CCDC73: variants seen among roughly 807,000 people sequenced by gnomAD.
CCDC73 encodes the protein coiled-coil domain-containing protein 73.
A neutral mutation model predicts 116.5 loss-of-function variants in CCDC73; 95 were observed. The ratio of observed to expected loss-of-function variants is 0.82; its 90% CI spans 0.69 to 0.97. CCDC73 has a LOEUF of 0.97. CCDC73 is among the 50% of genes least tolerant of loss of function. The pLI is 0.00. For missense variants in CCDC73, 1,066 were observed against 1,206.8 expected, an observed-to-expected ratio of 0.88 and a Z score of 1.73; for synonymous variants, 398 against 401.3, an observed-to-expected ratio of 0.99 and a Z score of 0.10.
intron 16 of CCDC73, among the ~76,000 whole-genome samples, 193 bp downstream of exon 16, chr11:32,613,229 T>A (rs1855438326): frequency 6.6e-6 from 1 of 152,136 alleles, no homozygotes; most frequent in South Asian, 2.1e-4. Flanking sequence ...GCAATAAATA[T>A]TCACACTTGG....
the CCDC73 span, among the ~76,000 whole-genome samples, chr11:32,820,180 GCTCT>G: frequency 6.6e-6 from 1 of 151,972 alleles, no homozygotes; most frequent in Non-Finnish European, 1.5e-5. Context: ...TGAGACAGAA[GCTCT>G]CTCTGTCACT....
chr11:32,635,966 A>C lies in CCDC73; in HGVS notation c.1051-136T>G, dbSNP rs975889772. 4 of 553,652 alleles carry C rather than the reference A, an allele frequency of 7.2e-6. No individual in the cohort carries two copies. In the African/African-American group the frequency reaches 7.9e-5, roughly 11 times the overall value. The allele number at this position is 553,652 out of a possible 1,614,324, so 34.3% of individuals were successfully genotyped here. A position where few individuals can be genotyped will look rare whatever the true frequency, so the allele number is the denominator to read the frequency against. On this transcript the variant is annotated intron_variant, in intron 13 of 17. Transcript: ENST00000335185. ...AATCACAAAGTCATTACTAATATTAAGAGCTACCATTTATTGAATTGGGCT... is the reference window on the plus strand; with the variant it reads ...AATCACAAAGTCATTACTAATATTACGAGCTACCATTTATTGAATTGGGCT...
At chr11:32,718,563 G>A (rs931850656) in intron 2 of CCDC73, among the ~76,000 whole-genome samples, 1 of 152,186 alleles carries the variant, frequency 6.6e-6, no homozygotes, top group South Asian at 2.1e-4. Context: ...AGAAAAGGTT[G>A]AGAAAAATCC....
chr11:32,760,398 C>T, intron 1 of CCDC73, 140 bp from the exon 2 acceptor site: 1 of 530,988 alleles, frequency 1.9e-6, no homozygotes, highest in Non-Finnish European at 3.3e-6. Context: ...CATCACTCCA[C>T]TCTAATGTTG....
chr11:32,757,986 G>T (rs1286372874), intron 2 of CCDC73, among the ~76,000 whole-genome samples: 1 of 152,074 alleles, frequency 6.6e-6, no homozygotes, highest in East Asian at 1.9e-4. Flanking sequence ...TGGGTATATG[G>T]GTGTTCACTG....
At chr11:32,744,400 T>C (rs977237912) in intron 2 of CCDC73, among the ~76,000 whole-genome samples, 3 of 152,172 alleles carry the variant, frequency 2.0e-5, no homozygotes, top group Admixed American at 2.0e-4. Context: ...CAGGCTTTGG[T>C]ATAAGAATGA....
chr11:32,666,031 T>C (rs1855977753), intron 9 of CCDC73, among the ~76,000 whole-genome samples: 1 of 152,260 alleles, frequency 6.6e-6, no homozygotes, highest in African/African-American at 2.4e-5. Context: ...AGATATCTGC[T>C]GTTAGTCTGA....
intron 2 of CCDC73, among the ~76,000 whole-genome samples, chr11:32,731,114 C>A (rs12276700): frequency 0.01 from 1,577 of 152,330 alleles, 26 homozygotes; most frequent in African/African-American, 0.036. Flanking sequence ...AAACGACACA[C>A]CAGGAGATTA....
chr11:32,781,714 T>C (rs1015326614), intron 1 of CCDC73, among the ~76,000 whole-genome samples: 4 of 152,174 alleles, frequency 2.6e-5, no homozygotes, highest in East Asian at 1.9e-4. Context: ...GGCTACTATA[T>C]GGAAAAATGT....
intron 1 of CCDC73, among the ~76,000 whole-genome samples, chr11:32,785,438 G>A (rs1850619617): frequency 6.6e-6 from 1 of 152,024 alleles, no homozygotes; most frequent in African/African-American, 2.4e-5. Flanking sequence ...ATCTCACTCT[G>A]TCACCCAGGC....
chr11:32,763,431 G>A (rs1463012157), intron 1 of CCDC73, among the ~76,000 whole-genome samples: 1 of 152,212 alleles, frequency 6.6e-6, no homozygotes, highest in Non-Finnish European at 1.5e-5. Context: ...AACATTTGCT[G>A]TTCAGCAATA....
chr11:32,807,570 T>C, the CCDC73 span, among the ~76,000 whole-genome samples: 3 of 149,274 alleles, frequency 2.0e-5, no homozygotes, highest in African/African-American at 5.0e-5. Context: ...AACTTTCTTA[T>C]GACATTATGG....
At chr11:32,783,034 A>AT (rs1265934551) in intron 1 of CCDC73, among the ~76,000 whole-genome samples, 1 of 152,154 alleles carries the variant, frequency 6.6e-6, no homozygotes, top group Non-Finnish European at 1.5e-5. Context: ...TTCTAAATCA[A>AT]TTTTCCCAGA....
chr11:32,771,975 G>A (rs1850495397), intron 1 of CCDC73, among the ~76,000 whole-genome samples: 1 of 152,164 alleles, frequency 6.6e-6, no homozygotes, highest in Non-Finnish European at 1.5e-5. Context: ...AGACTACATG[G>A]AGAGAGGAGG....
In CCDC73 at chr11:32,790,664, T is replaced by C. The variant is rs576489477; in HGVS notation, c.-16+3949A>G. ...CTAAAATCTTTACCAAATTTCTCCT[T>C]GTTTTAAGAAACAGAGGGAGGATTA... On this transcript the variant is annotated intron_variant, in intron 1 of 17. Transcript: ENST00000335185. 4.2e-3 allele frequency among the ~76,000 whole-genome samples: 537 copies of C among 126,354 alleles called. 6 individuals are homozygous for C. Among genetic ancestry groups the C allele is most frequent in the African/African-American group, 0.014 (518 of 36,296 alleles). 82.9% of individuals were successfully genotyped at this position (126,354 alleles called of 152,430 possible).
intron 2 of CCDC73, among the ~76,000 whole-genome samples, chr11:32,742,928 CT>C (rs1028131358): frequency 6.6e-6 from 1 of 152,114 alleles, no homozygotes; most frequent in Non-Finnish European, 1.5e-5. Flanking sequence ...TTCCCCATTG[CT>C]TATGTGTGTC....
intron 12 of CCDC73, among the ~76,000 whole-genome samples, chr11:32,643,924 C>A (rs1855754661): frequency 6.6e-6 from 1 of 152,162 alleles, no homozygotes; most frequent in East Asian, 1.9e-4. Flanking sequence ...TTAAAACACA[C>A]AGATTGTACA....
At position 32,760,016 on chromosome 11, in the gene CCDC73, G is replaced by C. The variant is rs1850377504; in HGVS notation, c.135+93C>G. The C allele has an allele frequency of 6.0e-6, 6 of 1,000,778 alleles. No individual in the cohort carries two copies. In the East Asian group the frequency reaches 1.2e-4, roughly 20 times the overall value. The allele number at this position is 1,000,778 out of a possible 1,614,324, so 62.0% of individuals were successfully genotyped here. A position where few individuals can be genotyped will look rare whatever the true frequency, so the allele number is the denominator to read the frequency against. ...CTATATATTTTATTTCTAAACAAGAGGGATTTTTTAGGCTTTTTATTCTTT... is the reference window on the plus strand; with the variant it reads ...CTATATATTTTATTTCTAAACAAGACGGATTTTTTAGGCTTTTTATTCTTT... On this transcript the variant is annotated intron_variant, in intron 2 of 17. Coordinates refer to ENST00000335185, the MANE Select transcript of CCDC73 (RefSeq NM_001008391.4).
intron 14 of CCDC73, among the ~76,000 whole-genome samples, chr11:32,632,604 G>T (rs922459611): frequency 6.6e-6 from 1 of 150,404 alleles, no homozygotes; most frequent in East Asian, 1.9e-4. Context: ...CTTACAGATT[G>T]TGTGTGTGTG....
Sources: gnomAD v4.1 joint callset for allele counts (sites outside exome capture counted in the v4.1 genomes callset) on GRCh38, gnomAD v4.1.1 for gene constraint, MANE v1.5 for transcripts, NCBI Gene and HGNC (gene_info 2026-07-23, HGNC 2026-07-21) for gene names.